Variants in UBN2 observed in about 807,000 individuals in gnomAD.
UBN2 encodes ubinuclein-2.
In UBN2, 35 loss-of-function variants were observed where a neutral mutation model predicts 120.2. The observed-to-expected ratio is 0.29, with a 90% confidence interval of 0.22 to 0.39. The LOEUF is 0.39. Among genes scored for constraint, UBN2 ranks in the 10% least tolerant of loss-of-function variants. The pLI, the probability that UBN2 is intolerant of heterozygous loss-of-function variation, is 1.00. For missense variants in UBN2, 1,693 were observed against 1,663.2 expected, an observed-to-expected ratio of 1.02 and a Z score of -0.31; for synonymous variants, 661 against 648.7, an observed-to-expected ratio of 1.02 and a Z score of -0.29.
At chr7:139,286,034 C>T (rs1425576747) in intron 15 of UBN2, among the ~76,000 whole-genome samples, 2 of 152,214 alleles carry the variant, frequency 1.3e-5, no homozygotes, top group Non-Finnish European at 2.9e-5. Context: ...TCAAGCAGTT[C>T]TCCCTGCCTC....
rs371572784 is a variant in UBN2 at position 139,235,552 on chromosome 7, G to A, written c.469-1453G>A. 5.9e-5 allele frequency among the ~76,000 whole-genome samples: 9 copies of A among 152,126 alleles called. No individual in the cohort carries two copies. The South Asian group carries it at 1.9e-3, about 32-fold the overall frequency. On this transcript the variant is annotated intron_variant, in intron 1 of 17. Transcript: ENST00000473989. ...CTCCCGAGTAGCTGGGACTACAGGC[G>A]TGTGCCACCACACCCAGCTAGTTTT...
At chr7:139,325,105 ATG>A in the UBN2 span, among the ~76,000 whole-genome samples, 31 of 152,130 alleles carry the variant, frequency 2.0e-4, no homozygotes, top group Non-Finnish European at 4.0e-4. Flanking sequence ...TTTTCAAAAT[ATG>A]TGTTTCATTT....
the UBN2 span, among the ~76,000 whole-genome samples, chr7:139,315,744 A>T: frequency 8.7e-3 from 1,321 of 152,172 alleles, 23 homozygotes; most frequent in African/African-American, 0.031. Flanking sequence ...CATTTTACAT[A>T]CCCACCAGCA....
intron 3 of UBN2, among the ~76,000 whole-genome samples, chr7:139,255,109 C>T (rs529301158): frequency 3.9e-5 from 6 of 152,192 alleles, no homozygotes; most frequent in Non-Finnish European, 1.5e-5. Context: ...CCTATTCATT[C>T]CTCCTTCCCT....
rs186273657 is a variant in UBN2, at chr7:139,283,561, C to G, written c.2656C>G (p.Gln886Glu). 4 of 1,614,164 alleles carry G rather than the reference C, an allele frequency of 2.5e-6. No individual in the cohort carries two copies. In the East Asian group the frequency reaches 8.9e-5, roughly 36 times the overall value. The change falls in exon 15 of 18, where the codon CAG becomes GAG. Residue 886 changes from glutamine (Q) to glutamate (E), a missense_variant. Coordinates refer to ENST00000473989, the MANE Select transcript of UBN2 (RefSeq NM_173569.4). ...TCAACAAGGACTTCAGAGGTCAAGC[C>G]AGATTCACACTTCTTCCTCTTCACA... ...LLQQGLQRSS[Q>E]IHTSSSSQTH...
the UBN2 span, among the ~76,000 whole-genome samples, chr7:139,328,261 A>G: frequency 6.6e-6 from 1 of 152,230 alleles, no homozygotes; most frequent in African/African-American, 2.4e-5. Flanking sequence ...AGCAAGGCAT[A>G]TCTTACATGG....
chr7:139,284,385 G>C lies in UBN2; in HGVS notation c.3480G>C (p.Lys1160Asn), dbSNP rs556199721. ...CATCATCCACTGGAACTGTTGGGAA[G>C]AACAGCTTGAGTGGAATTGCAATGA... is the stretch of plus-strand genomic sequence containing the variant. ...TNSSSTGTVG[K>N]NSLSGIAMNV... Residue 1160 changes from lysine to asparagine, a missense_variant, in exon 15 of 18, where the codon AAG becomes AAC. This residue lies in a region of UBN2 where 837 missense variants were observed against 817.6 expected (regional missense o/e 1.02). Coordinates refer to ENST00000473989, the MANE Select transcript of UBN2 (RefSeq NM_173569.4). 8.7e-6 allele frequency: 14 copies of C among 1,614,180 alleles called. No homozygotes were observed. In the African/African-American group the frequency reaches 1.2e-4, roughly 14 times the overall value.
chr7:139,242,368 G>A (rs1796344159), intron 2 of UBN2, among the ~76,000 whole-genome samples: 1 of 152,102 alleles, frequency 6.6e-6, no homozygotes, highest in Admixed American at 6.5e-5. Flanking sequence ...TGTTTGTTTT[G>A]GCCTTATGTG....
the UBN2 span, among the ~76,000 whole-genome samples, chr7:139,316,763 GTA>G: frequency 6.0e-5 from 9 of 150,538 alleles, no homozygotes; most frequent in Middle Eastern, 3.4e-3. Context: ...AAAAAATTAT[GTA>G]TGTGTGTGTG....
chr7:139,270,278 T>A (rs1393976523), intron 8 of UBN2, among the ~76,000 whole-genome samples: 1 of 150,932 alleles, frequency 6.6e-6, no homozygotes, highest in Non-Finnish European at 1.5e-5. Flanking sequence ...TACTTTTTTT[T>A]TTTTTTTTTT....
At chr7:139,325,069 G>A in the UBN2 span, among the ~76,000 whole-genome samples, 1 of 151,898 alleles carries the variant, frequency 6.6e-6, no homozygotes, top group Non-Finnish European at 1.5e-5. Flanking sequence ...GAGAAATTAG[G>A]ACTTTTTAAA....
At chr7:139,265,097 A>G (rs949258061) in intron 6 of UBN2, among the ~76,000 whole-genome samples, 1 of 152,130 alleles carries the variant, frequency 6.6e-6, no homozygotes, top group Non-Finnish European at 1.5e-5. Context: ...ACTGTGACCT[A>G]TACTATTTCT....
intron 2 of UBN2, among the ~76,000 whole-genome samples, chr7:139,240,429 AATATAT>A (rs201805771): frequency 4.1e-4 from 54 of 133,226 alleles, no homozygotes; most frequent in African/African-American, 1.3e-3. Flanking sequence ...ACCCAGCCTA[AATATAT>A]ATATATATAT....
chr7:139,268,236 T>C (rs1378367723), intron 7 of UBN2, among the ~76,000 whole-genome samples: 1 of 152,228 alleles, frequency 6.6e-6, no homozygotes, highest in African/African-American at 2.4e-5. Flanking sequence ...CCCATCTGCT[T>C]TTTATTTCAC....
chr7:139,269,842 C>A (rs1036987704), intron 8 of UBN2, among the ~76,000 whole-genome samples: 1 of 151,896 alleles, frequency 6.6e-6, no homozygotes, highest in African/African-American at 2.4e-5. Flanking sequence ...GGTCTTGCCC[C>A]GTTGCCCAGG....
the UBN2 span, among the ~76,000 whole-genome samples, chr7:139,326,161 C>A: frequency 4.9e-4 from 75 of 152,250 alleles, no homozygotes; most frequent in African/African-American, 1.7e-3. Context: ...GAGGCTGAGG[C>A]AGGAGAATCG....
chr7:139,302,105 C>T lies in UBN2; in HGVS notation c.*4269C>T, dbSNP rs1442691824. 6.6e-6 allele frequency: 1 copy of T among 151,728 alleles called. No individual in the cohort carries two copies. The highest frequency in any genetic ancestry group is 2.4e-5 in the African/African-American group (1 of 41,308). 9.4% of individuals were successfully genotyped at this position (151,728 alleles called of 1,614,324 possible). The stretch of plus-strand genomic sequence containing the variant: ...TAAGTGCCTTTTTTCTTTCTTTTTT[C>T]CTCTCTTTTGAAACTGTTGTCACAT... On this transcript the variant is annotated 3_prime_UTR_variant, in exon 18 of 18. Coordinates refer to ENST00000473989, the MANE Select transcript of UBN2 (RefSeq NM_173569.4).
chr7:139,267,915 A>C (rs945906409), intron 7 of UBN2, among the ~76,000 whole-genome samples: 35 of 152,142 alleles, frequency 2.3e-4, no homozygotes, highest in African/African-American at 8.2e-4. Flanking sequence ...AAAACCCCGG[A>C]CTCAGTGAAC....
the UBN2 span, among the ~76,000 whole-genome samples, chr7:139,329,833 T>C: frequency 6.6e-6 from 1 of 152,084 alleles, no homozygotes; most frequent in Non-Finnish European, 1.5e-5. Flanking sequence ...GAGAATGTGA[T>C]CAGAGGACTG....
Sources: gnomAD v4.1 joint callset for allele counts (sites outside exome capture counted in the v4.1 genomes callset) on GRCh38, gnomAD v4.1.1 for gene constraint, gnomAD v4.1.1 regional missense constraint, MANE v1.5 for transcripts, NCBI Gene and HGNC (gene_info 2026-07-23, HGNC 2026-07-21) for gene names.